Variants in CARMIL1 observed in about 807,000 individuals in gnomAD.
CARMIL1 encodes the protein F-actin-uncapping protein LRRC16A.
Under a neutral mutation model 177.1 loss-of-function variants are expected in CARMIL1, and 90 were observed. The observed-to-expected ratio is 0.51, with a 90% CI of 0.43 to 0.61. CARMIL1 has a LOEUF of 0.61. Among genes scored for constraint, CARMIL1 ranks in the 20% least tolerant of loss-of-function variants. CARMIL1 has a pLI of 0.00. For missense variants in CARMIL1, 1,380 were observed against 1,667.0 expected (o/e 0.83, Z 3.00); for synonymous variants, 577 against 606.2 (o/e 0.95, Z 0.71).
At chr6:25,419,712 A>C (rs1357349055) in intron 2 of CARMIL1, among the ~76,000 whole-genome samples, 2 of 152,170 alleles carry the variant, frequency 1.3e-5, no homozygotes, top group Non-Finnish European at 1.5e-5. Context: ...GGTGTTTGTA[A>C]TTTGGGAAGT....
At chr6:25,333,738 T>G (rs1785929037) in intron 2 of CARMIL1, among the ~76,000 whole-genome samples, 1 of 148,350 alleles carries the variant, frequency 6.7e-6, no homozygotes, top group Non-Finnish European at 1.5e-5. Context: ...CAGGTTGTCA[T>G]TTTTTTGTAG....
intron 29 of CARMIL1, among the ~76,000 whole-genome samples, chr6:25,574,479 A>G (rs1480716154): frequency 3.9e-5 from 6 of 152,190 alleles, no homozygotes; most frequent in Admixed American, 3.3e-4. Flanking sequence ...GCTTGGTAGC[A>G]TTTGTTGAAT....
intron 2 of CARMIL1, among the ~76,000 whole-genome samples, chr6:25,404,351 T>C (rs764632052): frequency 1.4e-4 from 21 of 152,228 alleles, no homozygotes; most frequent in Non-Finnish European, 2.6e-4. Flanking sequence ...AGGGATCTTA[T>C]GGGTTTTGCA....
intron 2 of CARMIL1, among the ~76,000 whole-genome samples, chr6:25,411,735 A>G (rs1794920224): frequency 6.6e-6 from 1 of 152,248 alleles, no homozygotes; most frequent in Admixed American, 6.5e-5. Context: ...GTGTTAGAGT[A>G]CGTAGATTTC....
At chr6:25,520,492 G>T (rs535205530) in intron 23 of CARMIL1, among the ~76,000 whole-genome samples, 155 bp downstream of exon 23, 3 of 152,010 alleles carry the variant, frequency 2.0e-5, no homozygotes, top group East Asian at 1.9e-4. Context: ...CCACAACTGG[G>T]GTAATGCATG....
At chr6:25,452,463 C>T in intron 8 of CARMIL1, 2 of 444,406 alleles carry the variant, frequency 4.5e-6, no homozygotes, top group South Asian at 8.3e-5. Context: ...GGTCCCTTTA[C>T]AATCTTAAAA....
intron 2 of CARMIL1, among the ~76,000 whole-genome samples, chr6:25,319,218 A>G (rs369510409): frequency 2.0e-5 from 3 of 152,176 alleles, no homozygotes; most frequent in Non-Finnish European, 4.4e-5. Context: ...TATTCAGAGA[A>G]ATCCTTTGCT....
At chr6:25,367,328 T>C (rs1315313810) in intron 2 of CARMIL1, among the ~76,000 whole-genome samples, 2 of 152,204 alleles carry the variant, frequency 1.3e-5, no homozygotes, top group South Asian at 2.1e-4. Flanking sequence ...AATGTTGTCA[T>C]TGACAGTTTG....
intron 2 of CARMIL1, among the ~76,000 whole-genome samples, chr6:25,336,017 C>T (rs1318245769): frequency 6.6e-6 from 1 of 152,154 alleles, no homozygotes; most frequent in Non-Finnish European, 1.5e-5. Context: ...GGCCATTTGA[C>T]TACTTCAGTT....
chr6:25,519,506 C>G (rs1687048894), intron 22 of CARMIL1, among the ~76,000 whole-genome samples: 1 of 152,180 alleles, frequency 6.6e-6, no homozygotes, highest in African/African-American at 2.4e-5. Context: ...TGGCTCACTC[C>G]TGCATGTTTG....
At chr6:25,609,980 T>A in intron 35 of CARMIL1, 70 bp from the exon 36 acceptor site, 1 of 1,431,076 alleles carries the variant, frequency 7.0e-7, no homozygotes, top group South Asian at 1.6e-5. Context: ...TATATATAGA[T>A]TTACCAGGCT....
chr6:25,460,317 G>A (rs1456325423), intron 8 of CARMIL1, among the ~76,000 whole-genome samples: 1 of 152,200 alleles, frequency 6.6e-6, no homozygotes. Context: ...GTTACATACT[G>A]TCTTGTGTAT....
intron 9 of CARMIL1, 65 bp downstream of exon 9, chr6:25,466,013 T>TG: frequency 1.6e-6 from 2 of 1,274,440 alleles, no homozygotes; most frequent in South Asian, 2.4e-5. Context: ...CCAATAATTG[T>TG]GGGAAAAAAA....
chr6:25,406,189 A>T (rs1232377620), intron 2 of CARMIL1, among the ~76,000 whole-genome samples: 1 of 152,204 alleles, frequency 6.6e-6, no homozygotes, highest in East Asian at 1.9e-4. Context: ...GGGAGTATAT[A>T]ATAGGGAGAC....
chr6:25,288,282 T>C (rs1275018567), intron 2 of CARMIL1, among the ~76,000 whole-genome samples: 2 of 152,152 alleles, frequency 1.3e-5, no homozygotes, highest in Non-Finnish European at 2.9e-5. Context: ...GTAAGGCATA[T>C]ACAGGGTAGA....
chr6:25,569,247 T>C (rs995546657), intron 29 of CARMIL1, among the ~76,000 whole-genome samples: 6 of 152,218 alleles, frequency 3.9e-5, no homozygotes, highest in Non-Finnish European at 7.3e-5. Context: ...TAGAATTCAT[T>C]CAGTAGGGAT....
intron 2 of CARMIL1, among the ~76,000 whole-genome samples, chr6:25,397,330 G>A (rs1192670628): frequency 1.3e-5 from 2 of 152,180 alleles, no homozygotes; most frequent in Admixed American, 1.3e-4. Context: ...AGGCTGTTGG[G>A]CTAATTGTGG....
intron 2 of CARMIL1, among the ~76,000 whole-genome samples, chr6:25,366,098 A>G (rs1352360136): frequency 1.3e-5 from 2 of 151,540 alleles, no homozygotes; most frequent in East Asian, 1.9e-4. Flanking sequence ...TGGGTTCACA[A>G]CCTCCCATTT....
At chr6:25,418,945 C>G (rs1415842544) in intron 2 of CARMIL1, among the ~76,000 whole-genome samples, 1 of 152,182 alleles carries the variant, frequency 6.6e-6, no homozygotes, top group African/African-American at 2.4e-5. Context: ...GAGTTATCCC[C>G]TACCGTGATG....
Sources: allele counts gnomAD v4.1 joint callset (sites outside exome capture counted in the v4.1 genomes callset), GRCh38; gene constraint gnomAD v4.1.1; transcripts MANE v1.5; gene names NCBI Gene and HGNC (gene_info 2026-07-23, HGNC 2026-07-21).